Variants in RANBP2 observed in about 807,000 individuals in gnomAD.
RANBP2 encodes the protein E3 SUMO-protein ligase RanBP2.
In RANBP2, 57 loss-of-function variants were observed where a neutral mutation model predicts 303.6. The ratio of observed to expected loss-of-function variants is 0.19; its 90% CI spans 0.15 to 0.23. RANBP2 has a LOEUF of 0.23. RANBP2 is among the 10% of genes least tolerant of loss of function. RANBP2 has a pLI of 1.00. For missense variants in RANBP2, 3,138 were observed against 3,780.8 expected (o/e 0.83, Z 4.46); for synonymous variants, 1,167 against 1,301.5 (o/e 0.90, Z 2.23).
chr2:108,851,820 C>T, the RANBP2 span, among the ~76,000 whole-genome samples: 2 of 152,048 alleles, frequency 1.3e-5, no homozygotes, highest in African/African-American at 2.4e-5. Context: ...ACTAATGAGA[C>T]GAAAACCTAT....
rs1399264487 is a variant in RANBP2, at chr2:108,763,421, A to C, written c.2882A>C (p.Tyr961Ser). The C allele has an allele frequency of 6.2e-7, 1 of 1,613,912 alleles. No homozygotes were observed. Among genetic ancestry groups the C allele is most frequent in the Non-Finnish European group, 8.5e-7 (1 of 1,179,976 alleles). ...TGILSPRGDD[Y>S]FNYNVQQTST... ...ATTCTATCGCCCAGGGGTGATGATT[A>C]CTTTAATTACAATGTTCAACAGACA... The change falls in exon 20 of 29, where the codon TAC becomes TCC. Residue 961 changes from tyrosine to serine, a missense_variant. By Grantham distance (144) the Tyr-to-Ser change is moderately radical. Transcript: ENST00000283195.
At chr2:109,013,678 C>T in the RANBP2 span, among the ~76,000 whole-genome samples, 3 of 151,460 alleles carry the variant, frequency 2.0e-5, no homozygotes, top group Admixed American at 6.6e-5. Context: ...CTCCTGGGCT[C>T]AAGCAATTCT....
At chr2:109,238,116 C>T in the RANBP2 span, among the ~76,000 whole-genome samples, 1 of 152,158 alleles carries the variant, frequency 6.6e-6, no homozygotes, top group East Asian at 1.9e-4. Context: ...AGGAGCATTT[C>T]TTGAGCCTTG....
chr2:109,324,135 C>T, the RANBP2 span, among the ~76,000 whole-genome samples: 1 of 152,200 alleles, frequency 6.6e-6, no homozygotes, highest in Non-Finnish European at 1.5e-5. Flanking sequence ...TAGCATGTTT[C>T]ACTACTTCAT....
At chr2:109,693,170 CCCTT>C in the RANBP2 span, among the ~76,000 whole-genome samples, 1 of 151,446 alleles carries the variant, frequency 6.6e-6, no homozygotes, top group East Asian at 2.0e-4. Context: ...TCTCCACAAC[CCCTT>C]ATTTTTATTT....
At chr2:109,582,059 A>C in the RANBP2 span, among the ~76,000 whole-genome samples, 1 of 146,200 alleles carries the variant, frequency 6.8e-6, no homozygotes, top group East Asian at 2.0e-4. Context: ...TCAAGAACAC[A>C]ATGCCATGTA....
the RANBP2 span, among the ~76,000 whole-genome samples, chr2:109,354,084 G>A: frequency 3.3e-5 from 5 of 152,360 alleles, no homozygotes; most frequent in South Asian, 6.2e-4. Flanking sequence ...CACCATAGAT[G>A]GCAGTCGGCT....
chr2:109,599,113 T>G, the RANBP2 span, among the ~76,000 whole-genome samples: 1 of 152,046 alleles, frequency 6.6e-6, no homozygotes, highest in Non-Finnish European at 1.5e-5. Context: ...TTCAAGCTAA[T>G]GCAGACCACA....
At chr2:109,531,763 G>A in the RANBP2 span, among the ~76,000 whole-genome samples, 2 of 152,160 alleles carry the variant, frequency 1.3e-5, no homozygotes, top group African/African-American at 2.4e-5. Context: ...AGACATCAGT[G>A]CATAAATATT....
the RANBP2 span, among the ~76,000 whole-genome samples, chr2:109,407,268 C>T: frequency 2.0e-5 from 3 of 152,194 alleles, no homozygotes; most frequent in African/African-American, 7.2e-5. Context: ...GGAACATACC[C>T]TTTAAAATCA....
chr2:109,174,548 A>G, the RANBP2 span, among the ~76,000 whole-genome samples: 3 of 152,194 alleles, frequency 2.0e-5, no homozygotes, highest in African/African-American at 4.8e-5. Flanking sequence ...TGGTCTTTCT[A>G]CAACAACCCA....
At chr2:108,789,034 G>A (rs1573894868), downstream of RANBP2, 1 of 1,554,152 alleles carries the variant, frequency 6.4e-7, no homozygotes, top group East Asian at 2.3e-5. Context: ...AAGAGAAAAG[G>A]GCAGGTTATA....
the RANBP2 span, among the ~76,000 whole-genome samples, chr2:109,600,808 T>C: frequency 1.3e-5 from 2 of 152,246 alleles, no homozygotes; most frequent in Non-Finnish European, 2.9e-5. Context: ...CCAATGCTTC[T>C]AACAAATGGC....
At chr2:109,614,210 G>A in the RANBP2 span, 1 of 1,039,168 alleles carries the variant, frequency 9.6e-7, no homozygotes. Context: ...GGAAGTGGGC[G>A]GGCCTTGAGG....
chr2:109,431,145 C>G, the RANBP2 span, among the ~76,000 whole-genome samples: 4 of 152,306 alleles, frequency 2.6e-5, no homozygotes, highest in African/African-American at 9.6e-5. Context: ...AAGTGGGGTT[C>G]CTCCAGCATC....
At chr2:109,202,798 A>G in the RANBP2 span, among the ~76,000 whole-genome samples, 6 of 152,172 alleles carry the variant, frequency 3.9e-5, no homozygotes, top group African/African-American at 1.4e-4. Flanking sequence ...ACATTTAAGC[A>G]AAGGGGGTCG....
At chr2:108,967,546 C>G in the RANBP2 span, among the ~76,000 whole-genome samples, 10 of 152,184 alleles carry the variant, frequency 6.6e-5, no homozygotes, top group Admixed American at 4.6e-4. Flanking sequence ...TTGTGCACAA[C>G]AAGTGACTTC....
chr2:108,998,714 C>T, the RANBP2 span, among the ~76,000 whole-genome samples: 1 of 152,168 alleles, frequency 6.6e-6, no homozygotes, highest in African/African-American at 2.4e-5. Context: ...TGGATGCAGA[C>T]CACAGAGCTC....
chr2:109,712,154 A>C, the RANBP2 span, among the ~76,000 whole-genome samples: 1 of 152,190 alleles, frequency 6.6e-6, no homozygotes, highest in South Asian at 2.1e-4. Flanking sequence ...TAGGCTGTTA[A>C]AACAGGCCTC....
Sources: allele counts gnomAD v4.1 joint callset (sites outside exome capture counted in the v4.1 genomes callset), GRCh38; gene constraint gnomAD v4.1.1; transcripts MANE v1.5; gene names NCBI Gene and HGNC (gene_info 2026-07-23, HGNC 2026-07-21).